Variants in EDNRB observed in about 807,000 individuals in gnomAD.
EDNRB encodes the protein Hirschsprung disease 2.
Under a neutral mutation model 46.4 loss-of-function variants are expected in EDNRB, and 18 were observed. The observed-to-expected ratio is 0.39, with a 90% confidence interval of 0.27 to 0.57. The LOEUF is 0.57. Among genes scored for constraint, EDNRB ranks in the 20% least tolerant of loss-of-function variants. EDNRB has a pLI of 0.61. For synonymous variants in EDNRB, 213 were observed against 204.9 expected (o/e 1.04, Z -0.34); for missense variants, 434 against 537.5 (o/e 0.81, Z 1.90).
intron 1 of EDNRB, among the ~76,000 whole-genome samples, chr13:77,954,250 G>T (rs1220998826): frequency 1.3e-5 from 2 of 151,948 alleles, no homozygotes; most frequent in Admixed American, 6.6e-5. Flanking sequence ...TCCTATATCT[G>T]TAAATTTATA....
chr13:77,940,101 CAGTTATTCATTTGTTA>C (rs1311597806), intron 1 of EDNRB: 4 of 152,082 alleles, frequency 2.6e-5, no homozygotes, highest in Admixed American at 6.5e-5. Flanking sequence ...ACTATTAATA[CAGTTATTCATTTGTTA>C]AGTTATTCAG....
At chr13:77,937,681 G>A (rs1041714364) in intron 1 of EDNRB, among the ~76,000 whole-genome samples, 5 of 152,154 alleles carry the variant, frequency 3.3e-5, no homozygotes, top group Admixed American at 6.6e-5. Flanking sequence ...CCAAATGTGA[G>A]GAGGGGAGGT....
chr13:77,925,920 C>A (rs1467713618), intron 1 of EDNRB, among the ~76,000 whole-genome samples: 1 of 152,182 alleles, frequency 6.6e-6, no homozygotes, highest in Non-Finnish European at 1.5e-5. Context: ...GCAGAGCTGC[C>A]CAAGACCATG....
chr13:77,951,440 A>G (rs1158632599), intron 1 of EDNRB, among the ~76,000 whole-genome samples: 2 of 152,182 alleles, frequency 1.3e-5, no homozygotes, highest in African/African-American at 2.4e-5. Context: ...TCAATCAGCA[A>G]TTTTAGAGAT....
chr13:77,943,658 G>C (rs1002426891), intron 1 of EDNRB, among the ~76,000 whole-genome samples: 2 of 151,898 alleles, frequency 1.3e-5, no homozygotes, highest in Admixed American at 6.6e-5. Flanking sequence ...TAGCATTCTT[G>C]ACTTATGAAA....
chr13:77,911,239 G>A (rs534684605), intron 1 of EDNRB, among the ~76,000 whole-genome samples: 71 of 152,112 alleles, frequency 4.7e-4, no homozygotes, highest in African/African-American at 1.6e-3. Flanking sequence ...GAGAACCTGA[G>A]GGCCTCCTGG....
At chr13:77,949,225 A>G (rs1185562213) in intron 1 of EDNRB, among the ~76,000 whole-genome samples, 1 of 152,164 alleles carries the variant, frequency 6.6e-6, no homozygotes, top group Non-Finnish European at 1.5e-5. Context: ...TAGGTGACAG[A>G]TTCCAGTTGC....
intron 1 of EDNRB, among the ~76,000 whole-genome samples, chr13:77,933,822 G>A (rs146446855): frequency 0.011 from 1,750 of 152,232 alleles, 30 homozygotes; most frequent in South Asian, 0.062. Flanking sequence ...TTGTGGTAAG[G>A]AGTGATATTG....
chr13:77,961,276 T>C (rs1411804583), intron 1 of EDNRB, among the ~76,000 whole-genome samples: 3 of 149,764 alleles, frequency 2.0e-5, no homozygotes, highest in African/African-American at 7.4e-5. Flanking sequence ...ATTCCAAACT[T>C]ATTAGGTCTG....
chr13:77,900,935 A>C, intron 4 of EDNRB, 123 bp downstream of exon 4: 1 of 1,210,104 alleles, frequency 8.3e-7, no homozygotes. Flanking sequence ...AACTACCAGA[A>C]ACAAGAAAAA....
chr13:77,914,953 A>G (rs1426339586), intron 1 of EDNRB, among the ~76,000 whole-genome samples: 1 of 152,182 alleles, frequency 6.6e-6, no homozygotes, highest in African/African-American at 2.4e-5. Flanking sequence ...CCAACAAGAG[A>G]GTAGGAGAAT....
At chr13:77,931,761 C>A (rs12872162) in intron 1 of EDNRB, among the ~76,000 whole-genome samples, 14,336 of 93,724 alleles carry the variant, frequency 0.15, 767 homozygotes, top group Non-Finnish European at 0.2. Context: ...AAAAAAAAAA[C>A]AAAAAAAAAA....
chr13:77,967,505 G>C (rs1482733547), intron 1 of EDNRB, among the ~76,000 whole-genome samples: 1 of 152,146 alleles, frequency 6.6e-6, no homozygotes, highest in Non-Finnish European at 1.5e-5. Flanking sequence ...ATTGTCTACA[G>C]TCAATTACCA....
intron 3 of EDNRB, among the ~76,000 whole-genome samples, chr13:77,902,737 C>T (rs1485240016): frequency 2.6e-5 from 4 of 152,020 alleles, no homozygotes; most frequent in African/African-American, 9.7e-5. Flanking sequence ...CACCCCCTTC[C>T]CCTCCCTTGT....
At position 77,967,456 on chromosome 13, in the gene EDNRB, C is replaced by G. The variant is rs138044562; in HGVS notation, c.-52+7891G>C. On this transcript the variant is annotated intron_variant, in intron 1 of 7. Coordinates refer to the EDNRB transcript ENST00000646948. The stretch of plus-strand genomic sequence containing the variant: ...ATAGTGAATAAAAGGCCAAGAGAAT[C>G]ACACAGATAGCAGCCTGTTTATTTT... Among the ~76,000 whole-genome samples, 123 of 152,266 alleles carry G rather than the reference C, an allele frequency of 8.1e-4. 2 individuals are homozygous for G. Among genetic ancestry groups the G allele is most frequent in the African/African-American group, 2.6e-3 (109 of 41,560 alleles).
chr13:77,955,281 T>C (rs971938275), intron 1 of EDNRB, among the ~76,000 whole-genome samples: 11 of 152,230 alleles, frequency 7.2e-5, no homozygotes, highest in African/African-American at 2.7e-4. Context: ...TTTGGAGAAA[T>C]GTCTATTCAG....
chr13:77,919,184 G>C (rs1367301396), upstream of EDNRB: 4 of 597,498 alleles, frequency 6.7e-6, no homozygotes, highest in Non-Finnish European at 1.1e-5. Flanking sequence ...AACCCGCAGA[G>C]ACTTCTCAAG....
intron 1 of EDNRB, among the ~76,000 whole-genome samples, chr13:77,948,071 G>T (rs1469052692): frequency 2.0e-5 from 3 of 152,004 alleles, no homozygotes; most frequent in Non-Finnish European, 2.9e-5. Flanking sequence ...TTACTTAATG[G>T]TGCCTTACAA....
chr13:77,897,746 T>C lies in EDNRB; in HGVS notation c.*454A>G. On this transcript the variant is annotated 3_prime_UTR_variant, in exon 7 of 7. Coordinates refer to ENST00000646607, the MANE Select transcript of EDNRB (RefSeq NM_001122659.3). ...TGATAATATTAATTGAAAAGTTGTT[T>C]TAAAGGATTTTAAAATTTTAAATTG... The C allele has an allele frequency of 1.0e-6, 1 of 986,648 alleles. No individual in the cohort carries two copies. Among genetic ancestry groups the C allele is most frequent in the Non-Finnish European group, 1.2e-6 (1 of 828,984 alleles). The allele number at this position is 986,648 out of a possible 1,614,324, so 61.1% of individuals were successfully genotyped here.
Sources: allele counts gnomAD v4.1 joint callset (sites outside exome capture counted in the v4.1 genomes callset), GRCh38; gene constraint gnomAD v4.1.1; transcripts MANE v1.5; gene names NCBI Gene and HGNC (gene_info 2026-07-23, HGNC 2026-07-21).